The following NASP variants were observed in gnomAD, a reference collection of about 807,000 sequenced individuals.
NASP encodes the protein nuclear autoantigenic sperm protein.
Under a neutral mutation model 89.5 loss-of-function variants are expected in NASP, and 24 were observed. The observed-to-expected ratio is 0.27, with a 90% CI of 0.19 to 0.38. The LOEUF is 0.38. Ranked by LOEUF, NASP falls within the 10% of genes least tolerant of loss-of-function variation. The pLI, the probability that NASP is intolerant of heterozygous loss-of-function variation, is 1.00. For synonymous variants in NASP, 306 were observed against 324.7 expected (o/e 0.94, Z 0.62); for missense variants, 848 against 921.4 (o/e 0.92, Z 1.03).
chr1:45,611,958 T>G (rs1644021412), intron 6 of NASP: 1 of 150,418 alleles, frequency 6.6e-6, no homozygotes, highest in African/African-American at 2.5e-5. Context: ...CCTCCTGGGT[T>G]CACGCCATGC....
In NASP at chr1:45,591,935, C is replaced by G. The variant is rs1423735339; in HGVS notation, c.107+665C>G. 2.0e-5 allele frequency among the ~76,000 whole-genome samples: 3 copies of G among 152,038 alleles called. No individual in the cohort carries two copies. The East Asian group carries it at 5.8e-4, about 29-fold the overall frequency. On this transcript the variant is annotated intron_variant, in intron 2 of 14. Coordinates refer to ENST00000350030, the MANE Select transcript of NASP (RefSeq NM_002482.4). ...TCCCGGGCTAAAGGGATTCTTCTGC[C>G]TCAGCCTCCTGAGTAGCTGGGACTG...
chr1:45,602,227 G>T (rs1183819153), intron 2 of NASP, 28 bp from the exon 3 acceptor site: 2 of 1,603,542 alleles, frequency 1.2e-6, no homozygotes, highest in South Asian at 1.1e-5. Context: ...AACAGTACTT[G>T]ACACTAGAAA....
rs541678085 is a variant in NASP, at chr1:45,594,155, G to A, written c.107+2885G>A. ...AGCCTGGCCAACATGGTGAAACCCC[G>A]TCTCTACTAAAAAAGATACAAAAAT... On this transcript the variant is annotated intron_variant, in intron 2 of 14. Transcript: ENST00000350030. 6.4e-5 allele frequency among the ~76,000 whole-genome samples: 8 copies of A among 125,810 alleles called. No homozygotes were observed. The East Asian group carries it at 1.4e-3, about 21-fold the overall frequency. The allele number at this position is 125,810 out of a possible 152,430, so 82.5% of individuals were successfully genotyped here. A position where few individuals can be genotyped will look rare whatever the true frequency, so the allele number is the denominator to read the frequency against.
chr1:45,603,836 C>T (rs933381949), intron 3 of NASP, among the ~76,000 whole-genome samples: 38 of 152,100 alleles, frequency 2.5e-4, no homozygotes, highest in African/African-American at 8.2e-4. Context: ...CTCGAACGCC[C>T]GACCTCAGGT....
intron 1 of NASP, chr1:45,588,704 C>T (rs1433523667): frequency 3.8e-5 from 16 of 415,712 alleles, no homozygotes; most frequent in East Asian, 1.7e-4. Flanking sequence ...TTTGGGAGGC[C>T]GAGGTGGGCA....
chr1:45,599,118 T>TTTTG lies in NASP; in HGVS notation c.108-3112_108-3109dup, dbSNP rs546440851. On this transcript the variant is annotated intron_variant, in intron 2 of 14. Transcript: ENST00000350030. ...TTTTTTTTAAATAGAGAAAGAGTGT[T>TTTTG]TTTGTTTGTTTGTTTGTTTGTTTGT... Among the ~76,000 whole-genome samples, 1,268 of 151,854 alleles carry TTTTG rather than the reference T, an allele frequency of 8.4e-3. 5 individuals are homozygous for TTTTG. Among genetic ancestry groups the TTTTG allele is most frequent in the South Asian group, 0.021 (100 of 4,794 alleles).
intron 6 of NASP, 196 bp from the exon 7 acceptor site, chr1:45,612,973 T>A: frequency 1.6e-6 from 1 of 625,174 alleles, no homozygotes; most frequent in Non-Finnish European, 2.4e-6. Flanking sequence ...TAGACTAAGA[T>A]TGCACATTCT....
rs780093674 is a variant in NASP at position 45,608,135 on chromosome 1, A to G, written c.1224A>G (p.Ser408=). The G allele has an allele frequency of 1.9e-6, 3 of 1,614,036 alleles. No homozygotes were observed. The highest frequency in any genetic ancestry group is 8.5e-7 in the Non-Finnish European group (1 of 1,179,886). ...GACTGACAGAAACAAAAGATGGCTC[A>G]GGACTAGAGGAGAAGGTCAGGGCAA... ...IERLTETKDG[S]GLEEKVRAKL... is the part of the protein sequence containing the mutation. Residue 408 remains serine, a synonymous_variant, in exon 6 of 15, where the codon TCA becomes TCG. Transcript: ENST00000350030.
At chr1:45,613,282 CT>C in intron 7 of NASP, 34 bp downstream of exon 7, 5 of 1,578,748 alleles carry the variant, frequency 3.2e-6, no homozygotes, top group East Asian at 2.3e-5. Flanking sequence ...TGTTGTCAGC[CT>C]TTTTCTGTTT....
chr1:45,592,376 G>A (rs1643573311), intron 2 of NASP, among the ~76,000 whole-genome samples: 1 of 152,202 alleles, frequency 6.6e-6, no homozygotes, highest in Non-Finnish European at 1.5e-5. Context: ...GCTTCCCTAA[G>A]TGTTGGGATT....
chr1:45,591,354 A>G, intron 2 of NASP, 84 bp downstream of exon 2: 1 of 1,001,450 alleles, frequency 1.0e-6, no homozygotes. Flanking sequence ...TTTATTTTTT[A>G]ATTAATTTAT....
At chr1:45,613,369 C>G in intron 7 of NASP, 121 bp downstream of exon 7, 1 of 1,170,278 alleles carries the variant, frequency 8.5e-7, no homozygotes, top group Non-Finnish European at 1.2e-6. Flanking sequence ...TCACTGCAGC[C>G]TAGACCCGGG....
chr1:45,617,994 C>T, intron 14 of NASP, 67 bp from the exon 15 acceptor site: 2 of 1,422,440 alleles, frequency 1.4e-6, no homozygotes, highest in Admixed American at 2.0e-5. Flanking sequence ...TGACTGAGGC[C>T]TCAGTTATAT....
Position 45,606,408 on chromosome 1 carries a change from CTG to C in NASP, c.300-72_300-71del. 7.1e-6 allele frequency: 7 copies of C among 984,734 alleles called. No individual in the cohort carries two copies. The South Asian group carries it at 9.4e-5, about 13-fold the overall frequency. 61.0% of individuals were successfully genotyped at this position (984,734 alleles called of 1,614,324 possible). ...CACTTCTTGCTTTTATAATATAGGA[CTG>C]TATTTTCTGTCTTAGAAAAAATTGC... is the stretch of plus-strand genomic sequence containing the variant. On this transcript the variant is annotated intron_variant, in intron 4 of 14. Transcript: ENST00000350030.
chr1:45,614,440 A>G (rs758390958), intron 9 of NASP, 74 bp downstream of exon 9: 1 of 1,189,284 alleles, frequency 8.4e-7, no homozygotes, highest in Non-Finnish European at 1.3e-6. Context: ...ATTCTCTGGA[A>G]CCGAACTTGA....
Position 45,602,232 on chromosome 1 carries a change from TAGAAA to T in NASP, c.108-21_108-17del, listed in dbSNP as rs773124513. 4 of 1,605,044 alleles carry T rather than the reference TAGAAA, an allele frequency of 2.5e-6. No homozygotes were observed. Among genetic ancestry groups the T allele is most frequent in the Non-Finnish European group, 3.4e-6 (4 of 1,176,694 alleles). ...TACTGATTTAAACAGTACTTGACACTAGAAAAAATCTTTTTTTTGCAGTCTGGATG... is the reference window on the plus strand; with the variant it reads ...TACTGATTTAAACAGTACTTGACACTAAATCTTTTTTTTGCAGTCTGGATG... On this transcript the variant is annotated intron_variant, in intron 2 of 14. Transcript: ENST00000350030.
rs903510404 is a variant in NASP, at chr1:45,616,679, T to C, written c.2133T>C (p.Asp711=). ...DGASSSNCVT[D]ISHLVRKKRK... is the part of the protein sequence containing the mutation. ...CTTCCTCATCAAATTGTGTGACTGA[T>C]ATTTCCCACCTTGTCAGAAAGAAGG... Residue 711 remains aspartate, a synonymous_variant, in exon 13 of 15, where the codon GAT becomes GAC. Coordinates refer to ENST00000350030, the MANE Select transcript of NASP (RefSeq NM_002482.4). 1.2e-5 allele frequency: 19 copies of C among 1,613,900 alleles called. No individual in the cohort carries two copies. Among genetic ancestry groups the C allele is most frequent in the Non-Finnish European group, 1.4e-5 (16 of 1,179,842 alleles).
At chr1:45,584,255 GC>G in intron 1 of NASP, 50 bp downstream of exon 1, 2 of 1,511,864 alleles carry the variant, frequency 1.3e-6, no homozygotes, top group South Asian at 1.2e-5. Flanking sequence ...CGCGGGGAGG[GC>G]TAATGGACGG....
intron 6 of NASP, chr1:45,611,125 C>G (rs1013265551): frequency 2.0e-5 from 3 of 152,142 alleles, no homozygotes; most frequent in Non-Finnish European, 4.4e-5. Context: ...CATCCTCTAG[C>G]AGAATATGCA....
Sources: allele counts gnomAD v4.1 joint callset (sites outside exome capture counted in the v4.1 genomes callset), GRCh38; gene constraint gnomAD v4.1.1; transcripts MANE v1.5; gene names NCBI Gene and HGNC (gene_info 2026-07-23, HGNC 2026-07-21).